LMO7: variants seen among roughly 807,000 people sequenced by gnomAD.
The protein encoded by LMO7 is LIM domain 7.
Under a neutral mutation model 206.5 loss-of-function variants are expected in LMO7, and 120 were observed. That is an observed-to-expected ratio of 0.58 (90% CI 0.50 to 0.68). LMO7 has a LOEUF of 0.68. Ranked by LOEUF, LMO7 falls within the 30% of genes least tolerant of loss-of-function variation. LMO7 has a pLI of 0.00. For missense variants in LMO7, 1,959 were observed against 1,957.9 expected (o/e 1.00, Z -0.01); for synonymous variants, 706 against 681.5 (o/e 1.04, Z -0.56).
chr13:75,810,480 A>G (rs183435611), intron 11 of LMO7, among the ~76,000 whole-genome samples: 8 of 152,346 alleles, frequency 5.3e-5, no homozygotes, highest in Non-Finnish European at 8.8e-5. Context: ...CACTGATTTT[A>G]AAAACCAGGG....
At chr13:75,636,117 C>A (rs931904926), upstream of LMO7, 4 of 189,054 alleles carry the variant, frequency 2.1e-5, no homozygotes, top group East Asian at 1.9e-4. Flanking sequence ...TGTGCGGGAA[C>A]CCCAGCGGGG....
Position 75,703,714 on chromosome 13 carries a change from T to TTGTGTG in LMO7, c.70-9447_70-9442dup, listed in dbSNP as rs139490120. ...CTCAGCTTCTCTGACTTCAGGTTCTTTGTGTGTGTGTGTGTGTGTGTGTGT... is the reference window on the plus strand; with the variant it reads ...CTCAGCTTCTCTGACTTCAGGTTCTTTGTGTGTGTGTGTGTGTGTGTGTGTGTGTGT... On this transcript the variant is annotated intron_variant, in intron 1 of 30. Transcript: ENST00000377534. Among the ~76,000 whole-genome samples the TTGTGTG allele has an allele frequency of 5.4e-5, 8 of 147,680 alleles. No individual in the cohort carries two copies. The East Asian group carries it at 9.9e-4, about 18-fold the overall frequency.
At chr13:75,699,365 G>A (rs2042119663) in intron 1 of LMO7, among the ~76,000 whole-genome samples, 2 of 151,124 alleles carry the variant, frequency 1.3e-5, no homozygotes, top group Admixed American at 1.3e-4. Flanking sequence ...AAACTAGCAT[G>A]AATTTCTTTC....
At chr13:75,722,740 A>G (rs910159774) in intron 2 of LMO7, among the ~76,000 whole-genome samples, 5 of 152,224 alleles carry the variant, frequency 3.3e-5, no homozygotes, top group African/African-American at 9.6e-5. Flanking sequence ...CGCAATTTGC[A>G]CTTGCAAGAA....
At chr13:75,717,598 T>A (rs992622432) in intron 2 of LMO7, among the ~76,000 whole-genome samples, 2 of 151,986 alleles carry the variant, frequency 1.3e-5, no homozygotes, top group South Asian at 4.1e-4. Flanking sequence ...ATTTTTTTAT[T>A]TTTACAAATA....
intron 3 of LMO7, among the ~76,000 whole-genome samples, chr13:75,729,728 A>G (rs568825993): frequency 9.9e-5 from 15 of 151,760 alleles, no homozygotes; most frequent in Admixed American, 2.0e-4. Flanking sequence ...GAATGCTTCC[A>G]GTTTTTGCCC....
At chr13:75,671,469 T>C (rs2039574974) in intron 1 of LMO7, among the ~76,000 whole-genome samples, 1 of 152,142 alleles carries the variant, frequency 6.6e-6, no homozygotes, top group Non-Finnish European at 1.5e-5. Flanking sequence ...TCCACCATCA[T>C]ATTTGCAGTC....
chr13:75,739,388 G>T (rs9593124), intron 3 of LMO7, among the ~76,000 whole-genome samples: 2 of 152,128 alleles, frequency 1.3e-5, no homozygotes, highest in African/African-American at 2.4e-5. Flanking sequence ...AATGTGTAAG[G>T]CATGACCATA....
In LMO7 at chr13:75,751,149, C is replaced by CTTTTTT. The variant is rs57976279; in HGVS notation, c.211-9759_211-9754dup. On this transcript the variant is annotated intron_variant, in intron 3 of 30. Coordinates refer to ENST00000377534, the MANE Select transcript of LMO7 (RefSeq NM_001306080.2). ...CATGTACTCAGCTCTTTTTTCAGCT[C>CTTTTTT]TTTTTTTTTTTTTTTTTTTTTTTTT... Among the ~76,000 whole-genome samples, 124 of 60,424 alleles carry CTTTTTT rather than the reference C, an allele frequency of 2.1e-3. 10 individuals are homozygous for CTTTTTT. Among genetic ancestry groups the CTTTTTT allele is most frequent in the Non-Finnish European group, 2.2e-3 (78 of 35,416 alleles). 39.6% of individuals were successfully genotyped at this position (60,424 alleles called of 152,430 possible). A position where few individuals can be genotyped will look rare whatever the true frequency, so the allele number is the denominator to read the frequency against.
At chr13:75,756,687 A>G (rs1402915778) in intron 3 of LMO7, among the ~76,000 whole-genome samples, 3 of 152,110 alleles carry the variant, frequency 2.0e-5, no homozygotes, top group Non-Finnish European at 4.4e-5. Flanking sequence ...ACTCTATTGC[A>G]TGTTGGGAGT....
chr13:75,660,540 G>A (rs547119843), intron 1 of LMO7, among the ~76,000 whole-genome samples: 6 of 152,212 alleles, frequency 3.9e-5, no homozygotes, highest in Non-Finnish European at 8.8e-5. Flanking sequence ...TTGATTGGCT[G>A]GCTGATGGGG....
intron 3 of LMO7, among the ~76,000 whole-genome samples, chr13:75,754,532 G>A (rs74786119): frequency 0.044 from 6,698 of 152,192 alleles, 254 homozygotes; most frequent in South Asian, 0.19. Flanking sequence ...CTGGGGGAAG[G>A]CATCTTTTTA....
chr13:75,719,354 T>C (rs1449905627), intron 2 of LMO7, among the ~76,000 whole-genome samples: 1 of 152,196 alleles, frequency 6.6e-6, no homozygotes, highest in African/African-American at 2.4e-5. Context: ...ATTCATCAAA[T>C]GAAGGCCATC....
rs1383790615 is a variant in LMO7 at position 75,853,325 on chromosome 13, A to T, written c.4598A>T (p.Gln1533Leu). The change falls in exon 28 of 31, where the codon CAG (glutamine) becomes CTG (leucine). Residue 1533 changes from glutamine (Q) to leucine (L), a missense_variant. Transcript: ENST00000377534. ...TCCACCACAGGTGTGGCCACCACAC[A>T]GTCCCCCACCCCGAGAAGCCATTCC... The part of the protein sequence containing the change: ...KTSTTGVATT[Q>L]SPTPRSHSPS... 1.9e-6 allele frequency: 3 copies of T among 1,613,916 alleles called. No individual in the cohort carries two copies. The highest frequency in any genetic ancestry group is 2.5e-6 in the Non-Finnish European group (3 of 1,179,902).
chr13:75,851,273 A>G (rs1371158259), intron 27 of LMO7, among the ~76,000 whole-genome samples: 1 of 152,236 alleles, frequency 6.6e-6, no homozygotes, highest in African/African-American at 2.4e-5. Context: ...AAAAGAAGTT[A>G]TTGAAAACTG....
chr13:75,714,023 G>A (rs2043322745), intron 2 of LMO7, among the ~76,000 whole-genome samples: 1 of 152,158 alleles, frequency 6.6e-6, no homozygotes, highest in Non-Finnish European at 1.5e-5. Flanking sequence ...ATTTTTGAAA[G>A]CACTTAATTA....
chr13:75,809,424 T>C (rs1306326608), intron 11 of LMO7, among the ~76,000 whole-genome samples: 1 of 152,222 alleles, frequency 6.6e-6, no homozygotes, highest in Non-Finnish European at 1.5e-5. Context: ...CCTTCTTTTT[T>C]CCTTTTTAAA....
intron 4 of LMO7, among the ~76,000 whole-genome samples, chr13:75,794,459 T>C (rs2053701774): frequency 6.6e-6 from 1 of 152,222 alleles, no homozygotes; most frequent in South Asian, 2.1e-4. Context: ...TCACATTCTC[T>C]TTTTACTTTT....
chr13:75,727,370 G>C (rs1477054189), intron 3 of LMO7, among the ~76,000 whole-genome samples: 1 of 151,818 alleles, frequency 6.6e-6, no homozygotes, highest in African/African-American at 2.4e-5. Context: ...TGACATACTT[G>C]TGTTTTAGTG....
Sources: gnomAD v4.1 joint callset for allele counts (sites outside exome capture counted in the v4.1 genomes callset) on GRCh38, gnomAD v4.1.1 for gene constraint, MANE v1.5 for transcripts, NCBI Gene and HGNC (gene_info 2026-07-23, HGNC 2026-07-21) for gene names.